FHOD3: variants seen among roughly 807,000 people sequenced by gnomAD.
The protein encoded by FHOD3 is formin homology 2 domain containing 3.
In FHOD3, 90 loss-of-function variants were observed where a neutral mutation model predicts 173.0. The ratio of observed to expected loss-of-function variants is 0.52; its 90% CI spans 0.44 to 0.62. The LOEUF (loss-of-function observed/expected upper bound fraction) is 0.62. Ranked by LOEUF, FHOD3 falls within the 20% of genes least tolerant of loss-of-function variation. The pLI is 0.00. For synonymous variants in FHOD3, 828 were observed against 823.0 expected (o/e 1.01, Z -0.10); for missense variants, 1,945 against 2,034.7 (o/e 0.96, Z 0.85).
intron 10 of FHOD3, among the ~76,000 whole-genome samples, chr18:36,634,518 T>C (rs1204920118): frequency 6.6e-6 from 1 of 152,250 alleles, no homozygotes. Context: ...TGGAAGCAGT[T>C]GGCAATGAGC....
intron 5 of FHOD3, among the ~76,000 whole-genome samples, chr18:36,516,307 G>T (rs2055972272): frequency 6.6e-6 from 1 of 152,216 alleles, no homozygotes; most frequent in Non-Finnish European, 1.5e-5. Context: ...ACAGTTCCCT[G>T]AGGAGAAGAC....
chr18:36,692,477 G>A (rs1013830053), intron 16 of FHOD3, among the ~76,000 whole-genome samples: 4 of 152,198 alleles, frequency 2.6e-5, no homozygotes, highest in East Asian at 1.9e-4. Flanking sequence ...TCTATAAAGC[G>A]CACTATGAGG....
At chr18:36,478,558 T>C (rs1324729568) in intron 3 of FHOD3, among the ~76,000 whole-genome samples, 3 of 152,196 alleles carry the variant, frequency 2.0e-5, no homozygotes, top group Non-Finnish European at 2.9e-5. Context: ...CCTCTGCCAA[T>C]GTAGCCTCTT....
intron 10 of FHOD3, among the ~76,000 whole-genome samples, chr18:36,644,298 A>G (rs1261828226): frequency 6.6e-6 from 1 of 152,258 alleles, no homozygotes; most frequent in Non-Finnish European, 1.5e-5. Flanking sequence ...AAGAAAATCT[A>G]GTTTGAGAAA....
chr18:36,347,993 G>C (rs952609745), intron 1 of FHOD3, among the ~76,000 whole-genome samples: 1 of 152,186 alleles, frequency 6.6e-6, no homozygotes, highest in Non-Finnish European at 1.5e-5. Context: ...CTCAGAGTGC[G>C]TGCCCTGTAT....
intron 17 of FHOD3, among the ~76,000 whole-genome samples, chr18:36,704,542 C>T (rs949562316): frequency 6.6e-6 from 1 of 152,284 alleles, no homozygotes. Context: ...CATGGTGAGC[C>T]GTGGCATCTC....
At chr18:36,606,514 A>G (rs186003726) in intron 8 of FHOD3, among the ~76,000 whole-genome samples, 1 of 152,226 alleles carries the variant, frequency 6.6e-6, no homozygotes, top group African/African-American at 2.4e-5. Flanking sequence ...TAACGCATGA[A>G]CTTTGGGGGG....
chr18:36,625,694 T>C lies in FHOD3; in HGVS notation c.1141T>C (p.Cys381Arg). 2 of 1,610,814 alleles carry C rather than the reference T, an allele frequency of 1.2e-6. No individual in the cohort carries two copies. The highest frequency in any genetic ancestry group is 3.3e-5 in the Admixed American group (2 of 59,752). The change falls in exon 10 of 29, where the codon TGC becomes CGC. Residue 381 changes from cysteine to arginine, a missense_variant. By Grantham distance (180) the Cys-to-Arg change is radical (BLOSUM62 -3). This residue lies in a region of FHOD3 where 1,099 missense variants were observed against 1,051.2 expected (regional missense o/e 1.05). Transcript: ENST00000590592. ...CACCCTGTCGGCCCCCACCAGTCCC[T>C]GCTCCCAGTCAGCTCCCAGCTTCAA... is the stretch of plus-strand genomic sequence containing the variant. ...KSTLSAPTSP[C>R]SQSAPSFKPN...
At chr18:36,744,253 G>T (rs867012020) in intron 23 of FHOD3, 60 bp downstream of exon 23, 2 of 1,551,604 alleles carry the variant, frequency 1.3e-6, no homozygotes, top group East Asian at 4.5e-5. Context: ...GATCTTTATC[G>T]GTCATCCTCG....
At chr18:36,348,354 A>G (rs1211818538) in intron 1 of FHOD3, among the ~76,000 whole-genome samples, 3 of 152,176 alleles carry the variant, frequency 2.0e-5, no homozygotes, top group Admixed American at 6.5e-5. Context: ...TATGTGCCTG[A>G]AGTGGGGCAC....
chr18:36,412,177 G>A (rs1251221542), intron 3 of FHOD3, among the ~76,000 whole-genome samples: 1 of 152,186 alleles, frequency 6.6e-6, no homozygotes, highest in East Asian at 1.9e-4. Flanking sequence ...ATGGGTTGCA[G>A]GGGATTGAAA....
intron 3 of FHOD3, among the ~76,000 whole-genome samples, chr18:36,412,278 C>T (rs920259989): frequency 1.3e-5 from 2 of 152,180 alleles, no homozygotes; most frequent in Non-Finnish European, 2.9e-5. Flanking sequence ...TATATGTTCA[C>T]ATCTGCACTT....
chr18:36,665,308 C>T (rs368457063), intron 14 of FHOD3, among the ~76,000 whole-genome samples: 145 of 152,252 alleles, frequency 9.5e-4, no homozygotes, highest in African/African-American at 3.1e-3. Flanking sequence ...TTGAGTGTAT[C>T]GATTGAATCA....
At chr18:36,670,025 GT>G (rs140772186) in intron 14 of FHOD3, among the ~76,000 whole-genome samples, 22 of 150,156 alleles carry the variant, frequency 1.5e-4, no homozygotes, top group Middle Eastern at 3.4e-3. Context: ...AGTTGATAGC[GT>G]TTTTTTTTCT....
chr18:36,320,099 A>G (rs2044319681), intron 1 of FHOD3, among the ~76,000 whole-genome samples: 2 of 152,238 alleles, frequency 1.3e-5, no homozygotes, highest in African/African-American at 4.8e-5. Context: ...AAACAAATTC[A>G]AAAGCTAGCA....
chr18:36,436,079 A>G (rs537679396), intron 3 of FHOD3, among the ~76,000 whole-genome samples: 1 of 152,308 alleles, frequency 6.6e-6, no homozygotes, highest in South Asian at 2.1e-4. Flanking sequence ...ATTGTAAAAT[A>G]TATACAGGCA....
chr18:36,621,583 A>C (rs2033712893), intron 9 of FHOD3, among the ~76,000 whole-genome samples: 1 of 152,180 alleles, frequency 6.6e-6, no homozygotes, highest in Admixed American at 6.5e-5. Flanking sequence ...TCTTCCCATG[A>C]TAGCAGTGTT....
At chr18:36,529,395 A>G (rs1473078977) in intron 5 of FHOD3, among the ~76,000 whole-genome samples, 6 of 152,318 alleles carry the variant, frequency 3.9e-5, no homozygotes, top group Non-Finnish European at 7.3e-5. Context: ...GAGTAACTTC[A>G]TATTTCCACA....
At chr18:36,436,275 A>G (rs1001661913) in intron 3 of FHOD3, among the ~76,000 whole-genome samples, 9 of 152,184 alleles carry the variant, frequency 5.9e-5, no homozygotes, top group African/African-American at 2.2e-4. Context: ...AGATTGTTCT[A>G]TGCCCTTTGT....
Sources: gnomAD v4.1 joint callset for allele counts (sites outside exome capture counted in the v4.1 genomes callset) on GRCh38, gnomAD v4.1.1 for gene constraint, gnomAD v4.1.1 regional missense constraint, MANE v1.5 for transcripts, NCBI Gene and HGNC (gene_info 2026-07-23, HGNC 2026-07-21) for gene names.